The following TCF7L2 variants were observed in gnomAD, a reference collection of about 807,000 sequenced individuals.
TCF7L2 encodes transcription factor 7-like 2.
TCF7L2 carries 23 observed loss-of-function variants against 77.9 expected under a neutral mutation model. The ratio of observed to expected loss-of-function variants is 0.30; its 90% CI spans 0.21 to 0.42. The LOEUF (loss-of-function observed/expected upper bound fraction) is 0.42, where lower values mean the gene tolerates loss of function less well. Among genes scored for constraint, TCF7L2 ranks in the 10% least tolerant of loss-of-function variants. TCF7L2 has a pLI of 1.00. For synonymous variants in TCF7L2, 413 were observed against 340.2 expected (o/e 1.21, Z -2.36); for missense variants, 654 against 793.1 (o/e 0.82, Z 2.11).
In TCF7L2 at chr10:113,075,174, T is replaced by C. The variant is rs150453638; in HGVS notation, c.552+35048T>C. 1.8e-3 allele frequency among the ~76,000 whole-genome samples: 274 copies of C among 151,568 alleles called. 1 individual carries two copies. The highest frequency in any genetic ancestry group is 6.5e-3 in the African/African-American group (268 of 41,400). On this transcript the variant is annotated intron_variant, in intron 5 of 13. Transcript: ENST00000627217. ...CCCAGCCTGAAAAGAATACTTTAAATGGGCGGGGTAATGGTGGCTTATGCC... is the reference window on the plus strand; with the variant it reads ...CCCAGCCTGAAAAGAATACTTTAAACGGGCGGGGTAATGGTGGCTTATGCC...
chr10:113,024,079 T>C (rs11196193), intron 4 of TCF7L2, among the ~76,000 whole-genome samples: 81,418 of 151,458 alleles, frequency 0.54, 24,573 homozygotes, highest in African/African-American at 0.81. Flanking sequence ...GAGTGGATCA[T>C]CTGAGGTCAG....
chr10:112,968,806 C>G (rs2037591419), intron 4 of TCF7L2, among the ~76,000 whole-genome samples: 1 of 152,118 alleles, frequency 6.6e-6, no homozygotes, highest in Non-Finnish European at 1.5e-5. Context: ...GTCTCAATCT[C>G]CTGACCTCGT....
chr10:113,019,802 T>A (rs2047984720), intron 4 of TCF7L2, among the ~76,000 whole-genome samples: 1 of 151,284 alleles, frequency 6.6e-6, no homozygotes, highest in African/African-American at 2.4e-5. Flanking sequence ...GCTGACATTT[T>A]TTTTTTTTTC....
At chr10:113,058,886 G>A (rs1414010168) in intron 5 of TCF7L2, among the ~76,000 whole-genome samples, 1 of 152,202 alleles carries the variant, frequency 6.6e-6, no homozygotes, top group Non-Finnish European at 1.5e-5. Context: ...CGTAGCTGCT[G>A]CATAGGGTGT....
At chr10:113,089,287 T>C in intron 5 of TCF7L2, 1 of 1,195,830 alleles carries the variant, frequency 8.4e-7, no homozygotes, top group African/African-American at 1.5e-5. Flanking sequence ...TCATGGAGCT[T>C]CTATAGAAAT....
intron 8 of TCF7L2, among the ~76,000 whole-genome samples, chr10:113,149,216 C>A (rs1312319701): frequency 6.6e-6 from 1 of 152,192 alleles, no homozygotes; most frequent in Admixed American, 6.5e-5. Flanking sequence ...CAAGTGTCTC[C>A]CAAGGGGTTT....
chr10:113,097,665 A>C (rs1444055782), intron 5 of TCF7L2, among the ~76,000 whole-genome samples: 2 of 148,078 alleles, frequency 1.4e-5, no homozygotes, highest in Non-Finnish European at 3.0e-5. Context: ...AAAAAAAAAA[A>C]AAAAAAAAAC....
chr10:112,994,993 A>G (rs2043206880), intron 4 of TCF7L2, among the ~76,000 whole-genome samples: 1 of 152,074 alleles, frequency 6.6e-6, no homozygotes, highest in Non-Finnish European at 1.5e-5. Context: ...CCAGCTACTC[A>G]GGAGGCTTGA....
At chr10:113,157,953 G>T (rs2137356949) in intron 11 of TCF7L2, 68 bp from the exon 12 acceptor site, 2 of 1,505,428 alleles carry the variant, frequency 1.3e-6, no homozygotes, top group Non-Finnish European at 1.8e-6. Context: ...CTCCTTCCAG[G>T]TGCGCCCAGA....
intron 5 of TCF7L2, chr10:113,129,290 T>C (rs1472113743): frequency 4.4e-5 from 43 of 985,800 alleles, no homozygotes; most frequent in Non-Finnish European, 5.2e-5. Flanking sequence ...GCCTGCCTCC[T>C]GCACTCGGTT....
intron 5 of TCF7L2, among the ~76,000 whole-genome samples, chr10:113,078,469 C>T (rs2058963458): frequency 1.3e-5 from 2 of 152,242 alleles, no homozygotes; most frequent in South Asian, 2.1e-4. Flanking sequence ...GGCCCAATCA[C>T]AGCTCACTGC....
chr10:113,029,614 C>G (rs534300827), intron 4 of TCF7L2, among the ~76,000 whole-genome samples: 1 of 151,440 alleles, frequency 6.6e-6, no homozygotes, highest in South Asian at 2.1e-4. Flanking sequence ...GCAACCTCCA[C>G]CTCCTGGGTT....
chr10:113,159,277 A>G (rs1038065701), intron 12 of TCF7L2, among the ~76,000 whole-genome samples: 1 of 152,100 alleles, frequency 6.6e-6, no homozygotes, highest in Non-Finnish European at 1.5e-5. Context: ...GCTCATTCAC[A>G]CAGCCTGTTT....
At chr10:113,101,087 A>G (rs909411058) in intron 5 of TCF7L2, among the ~76,000 whole-genome samples, 2 of 151,984 alleles carry the variant, frequency 1.3e-5, no homozygotes, top group African/African-American at 2.4e-5. Context: ...AGGGGGGAAA[A>G]AATCCATCCT....
chr10:113,104,461 C>A (rs973242447), intron 5 of TCF7L2, among the ~76,000 whole-genome samples: 1 of 152,144 alleles, frequency 6.6e-6, no homozygotes, highest in Non-Finnish European at 1.5e-5. Context: ...TTGAGAAGCA[C>A]TGGGGGAAAA....
At chr10:113,014,519 G>A (rs553389680) in intron 4 of TCF7L2, among the ~76,000 whole-genome samples, 8 of 152,338 alleles carry the variant, frequency 5.3e-5, no homozygotes, top group African/African-American at 1.4e-4. Context: ...TTGGCTGGGC[G>A]TGGTGGCGCA....
At chr10:113,094,035 C>A (rs143338191) in intron 5 of TCF7L2, among the ~76,000 whole-genome samples, 2 of 152,274 alleles carry the variant, frequency 1.3e-5, no homozygotes, top group African/African-American at 2.4e-5. Context: ...GTTGACCTAC[C>A]CTTTTGCTGG....
At chr10:113,099,042 CCATAGTTGT>C (rs1410425526) in intron 5 of TCF7L2, among the ~76,000 whole-genome samples, 1 of 152,176 alleles carries the variant, frequency 6.6e-6, no homozygotes, top group Non-Finnish European at 1.5e-5. Flanking sequence ...AACTGCAGTG[CCATAGTTGT>C]CAGCTTGTTA....
intron 5 of TCF7L2, among the ~76,000 whole-genome samples, chr10:113,125,364 T>TGAATAGTA (rs1462121525): frequency 2.0e-5 from 3 of 152,132 alleles, no homozygotes; most frequent in Non-Finnish European, 4.4e-5. Flanking sequence ...CTAAATAGCT[T>TGAATAGTA]GAATAGTACC....
Sources: gnomAD v4.1 joint callset for allele counts (sites outside exome capture counted in the v4.1 genomes callset) on GRCh38, gnomAD v4.1.1 for gene constraint, MANE v1.5 for transcripts, NCBI Gene and HGNC (gene_info 2026-07-23, HGNC 2026-07-21) for gene names.